Variants in ZNF679 observed in about 807,000 individuals in gnomAD.
ZNF679 encodes the protein zinc finger protein 679.
A neutral mutation model predicts 13.4 loss-of-function variants in ZNF679; 10 were observed. The observed-to-expected ratio is 0.75, with a 90% confidence interval of 0.46 to 1.27. The LOEUF is 1.27. Ranked by LOEUF, ZNF679 falls within the 50% of genes most tolerant of loss-of-function variation. ZNF679 has a pLI of 0.00. For synonymous variants in ZNF679, 179 were observed against 162.5 expected, an observed-to-expected ratio of 1.10 and a Z score of -0.77; for missense variants, 525 against 477.8, an observed-to-expected ratio of 1.10 and a Z score of -0.92.
At chr7:64,236,850 CAAAAGAAAGAAA>C (rs769434369) in intron 1 of ZNF679, among the ~76,000 whole-genome samples, 11 of 75,472 alleles carry the variant, frequency 1.5e-4, no homozygotes, top group African/African-American at 2.0e-4. Context: ...GAGAAAGAAA[CAAAAGAAAGAAA>C]AAAAGAAAGA....
intron 1 of ZNF679, among the ~76,000 whole-genome samples, chr7:64,236,650 C>G (rs188683967): frequency 6.6e-6 from 1 of 151,762 alleles, no homozygotes; most frequent in East Asian, 2.0e-4. Flanking sequence ...AGGTGTAGTG[C>G]ACGCACTTGT....
At chr7:64,248,345 C>T (rs1243356832) in intron 1 of ZNF679, among the ~76,000 whole-genome samples, 4 of 151,884 alleles carry the variant, frequency 2.6e-5, no homozygotes, top group Admixed American at 6.6e-5. Context: ...TGCAGTGGCA[C>T]GATCTCGGCT....
At chr7:64,258,173 C>CTCAT (rs574771751) in intron 2 of ZNF679, among the ~76,000 whole-genome samples, 3,480 of 152,078 alleles carry the variant, frequency 0.023, 132 homozygotes, top group African/African-American at 0.079. Context: ...TCGTTGTTCT[C>CTCAT]TGCTCTTAAA....
chr7:64,260,830 A>G lies in ZNF679; in HGVS notation c.167-4A>G. ...TATGTTACTTTTTTTTCTTAATAAA[A>G]CAGGTATTGCTGTCTCTAAGCCAGA... On this transcript the variant is annotated splice_region_variant and splice_polypyrimidine_tract_variant and intron_variant, in intron 3 of 4. Transcript: ENST00000421025. The G allele has an allele frequency of 1.3e-6, 2 of 1,597,256 alleles. No homozygotes were observed. Among genetic ancestry groups the G allele is most frequent in the Non-Finnish European group, 1.7e-6 (2 of 1,175,624 alleles).
intron 1 of ZNF679, among the ~76,000 whole-genome samples, chr7:64,241,929 G>A (rs1426206282): frequency 6.6e-6 from 1 of 152,222 alleles, no homozygotes; most frequent in Non-Finnish European, 1.5e-5. Flanking sequence ...CACACCTGCA[G>A]AAAGGTTTAA....
chr7:64,241,085 T>C (rs1343168614), intron 1 of ZNF679, among the ~76,000 whole-genome samples: 1 of 152,200 alleles, frequency 6.6e-6, no homozygotes, highest in Admixed American at 6.5e-5. Context: ...TACTTTTGTC[T>C]GAGTTTGCAT....
intron 1 of ZNF679, among the ~76,000 whole-genome samples, chr7:64,240,468 G>T (rs1366734669): frequency 1.3e-5 from 2 of 152,166 alleles, no homozygotes; most frequent in African/African-American, 4.8e-5. Flanking sequence ...AGGACATAGT[G>T]TATTATGATA....
chr7:64,236,373 T>C, intron 1 of ZNF679, among the ~76,000 whole-genome samples: 1 of 152,072 alleles, frequency 6.6e-6, no homozygotes. Flanking sequence ...CCTGAATTCA[T>C]CGTCATTTGA....
intron 1 of ZNF679, among the ~76,000 whole-genome samples, chr7:64,236,172 G>A (rs1370880383): frequency 6.6e-6 from 1 of 152,010 alleles, no homozygotes; most frequent in Non-Finnish European, 1.5e-5. Flanking sequence ...GGCTGAGGCA[G>A]GAGAATTGCT....
rs111836661 is a variant in ZNF679, at chr7:64,260,834, G to A, written c.167G>A (p.Gly56Asp). 22 of 1,602,172 alleles carry A rather than the reference G, an allele frequency of 1.4e-5. No individual in the cohort carries two copies. The highest frequency in any genetic ancestry group is 3.3e-4 in the Middle Eastern group (2 of 6,024). The change falls in exon 4 of 5, where the codon GGT becomes GAT. Residue 56 changes from glycine (G) to aspartate (D), a missense_variant and splice_region_variant. By Grantham distance (94) the Gly-to-Asp change is moderately conservative. Transcript: ENST00000421025. Reference sequence around the variant, plus strand: ...TTACTTTTTTTTCTTAATAAAACAGGTATTGCTGTCTCTAAGCCAGACTTG... The same window carrying A: ...TTACTTTTTTTTCTTAATAAAACAGATATTGCTGTCTCTAAGCCAGACTTG... Reference protein sequence around the residue: ...LENYRNLVSLGIAVSKPDLIT... With the variant: ...LENYRNLVSLDIAVSKPDLIT...
chr7:64,231,594 C>T (rs1045698570), intron 1 of ZNF679, among the ~76,000 whole-genome samples: 3 of 152,100 alleles, frequency 2.0e-5, no homozygotes, highest in African/African-American at 7.2e-5. Context: ...GGGGCTTGGC[C>T]CAGCTGGGAG....
chr7:64,237,479 C>T (rs537261949), intron 1 of ZNF679, among the ~76,000 whole-genome samples: 7 of 152,268 alleles, frequency 4.6e-5, no homozygotes, highest in South Asian at 2.1e-4. Flanking sequence ...CAATTCACAG[C>T]GCAACAGCTT....
At chr7:64,230,539 CA>C (rs948433156) in intron 1 of ZNF679, among the ~76,000 whole-genome samples, 7,654 of 61,078 alleles carry the variant, frequency 0.13, 162 homozygotes, top group East Asian at 0.27. Context: ...GACTCCGTCT[CA>C]AAAAAAAAAA....
chr7:64,236,402 T>A (rs1321700429), intron 1 of ZNF679, among the ~76,000 whole-genome samples: 1 of 152,002 alleles, frequency 6.6e-6, no homozygotes, highest in African/African-American at 2.4e-5. Context: ...AGGGTTTGTA[T>A]TTAGGCACCA....
At chr7:64,260,718 A>C in intron 3 of ZNF679, 116 bp from the exon 4 acceptor site, 1 of 1,137,676 alleles carries the variant, frequency 8.8e-7, no homozygotes, top group Non-Finnish European at 1.2e-6. Context: ...TTCTGTTATG[A>C]ATCAATATTA....
At chr7:64,239,894 A>T (rs1787772801) in intron 1 of ZNF679, among the ~76,000 whole-genome samples, 1 of 152,156 alleles carries the variant, frequency 6.6e-6, no homozygotes, top group African/African-American at 2.4e-5. Flanking sequence ...TCATCACAAC[A>T]TATTGCTGGG....
chr7:64,238,405 A>G (rs1162216194), intron 1 of ZNF679, among the ~76,000 whole-genome samples: 1 of 151,964 alleles, frequency 6.6e-6, no homozygotes, highest in Non-Finnish European at 1.5e-5. Flanking sequence ...TATTAATTTT[A>G]TTTGAAACAG....
chr7:64,246,160 C>T (rs114012024), intron 1 of ZNF679, among the ~76,000 whole-genome samples: 2,190 of 152,282 alleles, frequency 0.014, 51 homozygotes, highest in African/African-American at 0.05. Flanking sequence ...ACACGAGTTT[C>T]GTCAAGTGTT....
chr7:64,252,713 ATCTTAT>A (rs1787958411), intron 2 of ZNF679, among the ~76,000 whole-genome samples: 1 of 152,122 alleles, frequency 6.6e-6, no homozygotes, highest in African/African-American at 2.4e-5. Flanking sequence ...ACATCCTGTT[ATCTTAT>A]TTTTATTTTT....
Sources: allele counts gnomAD v4.1 joint callset (sites outside exome capture counted in the v4.1 genomes callset), GRCh38; gene constraint gnomAD v4.1.1; transcripts MANE v1.5; gene names NCBI Gene and HGNC (gene_info 2026-07-23, HGNC 2026-07-21).